Variants in ABHD17C observed in about 807,000 individuals in gnomAD.
The protein encoded by ABHD17C is alpha/beta hydrolase domain-containing protein 17C.
Under a neutral mutation model 27.9 loss-of-function variants are expected in ABHD17C, and 11 were observed. That is an observed-to-expected ratio of 0.39 (90% CI 0.25 to 0.65). The LOEUF is 0.65. Among genes scored for constraint, ABHD17C ranks in the 30% least tolerant of loss-of-function variants. The probability of loss-of-function intolerance (pLI) is 0.45; values close to 1 mark genes in which losing one functional copy is unlikely to be tolerated. For missense variants in ABHD17C, 280 were observed against 470.2 expected, an observed-to-expected ratio of 0.60 and a Z score of 3.74; for synonymous variants, 233 against 209.1, an observed-to-expected ratio of 1.11 and a Z score of -0.98.
rs1239634378 is a variant in ABHD17C at position 80,695,556 on chromosome 15, A to G, written c.127A>G (p.Thr43Ala). The G allele has an allele frequency of 1.5e-6, 2 of 1,310,780 alleles. No homozygotes were observed. The highest frequency in any genetic ancestry group is 2.0e-6 in the Non-Finnish European group (2 of 1,012,474). The allele number at this position is 1,310,780 out of a possible 1,614,324, so 81.2% of individuals were successfully genotyped here. A position where few individuals can be genotyped will look rare whatever the true frequency, so the allele number is the denominator to read the frequency against. The change falls in exon 1 of 3, where the codon ACG becomes GCG. Residue 43 changes from threonine to alanine, a missense_variant. By Grantham distance (58) the Thr-to-Ala change is moderately conservative. This residue lies in a region of ABHD17C where 74 missense variants were observed against 75.5 expected (regional missense o/e 0.98). Transcript: ENST00000258884. This position sits in a 1 kb window ranked among gnomAD's most constrained non-coding sequence, Gnocchi z 4.3. ...CTTCCTGCCGCCCGAGCCCACCTAC[A>G]CGGTGCTGGCGCCGGAGCAGCGCGG... ...LAFLPPEPTY[T>A]VLAPEQRGAG...
chr15:80,718,009 A>G (rs1894831892), intron 1 of ABHD17C, among the ~76,000 whole-genome samples: 1 of 152,218 alleles, frequency 6.6e-6, no homozygotes, highest in African/African-American at 2.4e-5. Flanking sequence ...GTTCCAGTTC[A>G]GACAGACTGC....
At chr15:80,728,564 T>A (rs1008314672) in intron 1 of ABHD17C, among the ~76,000 whole-genome samples, 2 of 152,200 alleles carry the variant, frequency 1.3e-5, no homozygotes, top group Non-Finnish European at 2.9e-5. Flanking sequence ...TCAATGCCTA[T>A]GGGCATTTTT....
In ABHD17C at chr15:80,723,138, A is replaced by ATG. The variant is rs57751486; in HGVS notation, c.591-26347_591-26346dup. Among the ~76,000 whole-genome samples, 1,173 of 125,004 alleles carry ATG rather than the reference A, an allele frequency of 9.4e-3. 5 individuals carry two copies. Among genetic ancestry groups the ATG allele is most frequent in the South Asian group, 0.015 (59 of 3,814 alleles). The allele number at this position is 125,004 out of a possible 152,430, so 82.0% of individuals were successfully genotyped here. A position where few individuals can be genotyped will look rare whatever the true frequency, so the allele number is the denominator to read the frequency against. On this transcript the variant is annotated intron_variant, in intron 1 of 2. Transcript: ENST00000258884. ...TTCCATTGTTTGTGTGTGTGTATAT[A>ATG]TGTGTGTGTGTGTGTGTGTGTGTGT...
chr15:80,714,353 A>G (rs1198582481), intron 1 of ABHD17C, among the ~76,000 whole-genome samples: 1 of 152,188 alleles, frequency 6.6e-6, no homozygotes, highest in Non-Finnish European at 1.5e-5. Flanking sequence ...CATTTCACAC[A>G]TTACATAATT....
At chr15:80,701,315 G>A (rs1391313131) in intron 1 of ABHD17C, among the ~76,000 whole-genome samples, 1 of 152,096 alleles carries the variant, frequency 6.6e-6, no homozygotes, top group African/African-American at 2.4e-5. Flanking sequence ...TTCTCAGAGG[G>A]AATACTATGA....
intron 1 of ABHD17C, among the ~76,000 whole-genome samples, chr15:80,730,664 AC>A (rs1895045579): frequency 6.6e-6 from 1 of 152,150 alleles, no homozygotes; most frequent in African/African-American, 2.4e-5. Flanking sequence ...GTGGATTGAA[AC>A]GTTGACTCGC....
chr15:80,726,084 G>A (rs915042743), intron 1 of ABHD17C, among the ~76,000 whole-genome samples: 1 of 152,226 alleles, frequency 6.6e-6, no homozygotes, highest in Non-Finnish European at 1.5e-5. Context: ...TCCCTTATGG[G>A]AAACAAAGGG....
At chr15:80,696,823 A>T (rs1894502016) in intron 1 of ABHD17C, among the ~76,000 whole-genome samples, 2 of 152,210 alleles carry the variant, frequency 1.3e-5, no homozygotes, top group African/African-American at 4.8e-5. Context: ...AGCAAACCAA[A>T]AACCTGACTT....
chr15:80,701,413 T>C (rs879266180), intron 1 of ABHD17C, among the ~76,000 whole-genome samples: 24 of 152,048 alleles, frequency 1.6e-4, no homozygotes, highest in Non-Finnish European at 3.4e-4. Context: ...CCGCGGTGGC[T>C]CACAGCTGTA....
At chr15:80,745,499 G>A (rs1395353627) in intron 1 of ABHD17C, among the ~76,000 whole-genome samples, 1 of 151,944 alleles carries the variant, frequency 6.6e-6, no homozygotes, top group African/African-American at 2.4e-5. Context: ...CTCCCAAGTA[G>A]TTTGGACTAC....
chr15:80,726,822 A>T (rs556072747), intron 1 of ABHD17C, among the ~76,000 whole-genome samples: 111 of 151,900 alleles, frequency 7.3e-4, no homozygotes, highest in African/African-American at 2.6e-3. Context: ...GCCACACCCA[A>T]CCCTTTTTCT....
intron 1 of ABHD17C, among the ~76,000 whole-genome samples, chr15:80,701,270 T>C (rs974129212): frequency 6.6e-6 from 1 of 152,174 alleles, no homozygotes; most frequent in Non-Finnish European, 1.5e-5. Flanking sequence ...CCTGGGCATG[T>C]TGAAGTTAAT....
chr15:80,713,328 C>T (rs891706191), intron 1 of ABHD17C, among the ~76,000 whole-genome samples: 1 of 138,380 alleles, frequency 7.2e-6, no homozygotes, highest in Non-Finnish European at 1.5e-5. Context: ...AAATAGTTAC[C>T]GAAGGAAAGC....
chr15:80,714,830 T>A (rs768188827), intron 1 of ABHD17C, among the ~76,000 whole-genome samples: 3 of 152,232 alleles, frequency 2.0e-5, no homozygotes, highest in Admixed American at 6.5e-5. Flanking sequence ...TAATATATTT[T>A]TGGATTTCTT....
chr15:80,749,641 G>T lies in ABHD17C; in HGVS notation c.719G>T (p.Arg240Leu). Residue 240 changes from arginine to leucine, a missense_variant, in exon 2 of 3, where the codon CGT becomes CTT. By Grantham distance (102) the Arg-to-Leu change is moderately radical. Around this residue, in one of 2 missense-constraint regions of ABHD17C, gnomAD observed 206 missense variants for 394.7 expected, o/e 0.52. Transcript: ENST00000258884. ...ILHSPLMSGL[R>L]VAFPDTRKTY... ...CATTCCCCTCTGATGTCTGGTTTGC[G>T]TGTGGCTTTTCCGGATACCAGGAAA... 6.2e-7 allele frequency: 1 copy of T among 1,613,976 alleles called. No individual in the cohort carries two copies. Among genetic ancestry groups the T allele is most frequent in the Non-Finnish European group, 8.5e-7 (1 of 1,179,874 alleles).
At chr15:80,698,479 CT>C (rs1894528390) in intron 1 of ABHD17C, among the ~76,000 whole-genome samples, 2 of 152,230 alleles carry the variant, frequency 1.3e-5, no homozygotes, top group South Asian at 4.1e-4. Context: ...GGAGGATAGA[CT>C]GGCGGCAAAT....
rs540577830 is a variant in ABHD17C, at chr15:80,725,084, G to A, written c.591-24429G>A. On this transcript the variant is annotated intron_variant, in intron 1 of 2. Transcript: ENST00000258884. ...AGGGAAGAGGCACGAAGACACCAGG[G>A]CAGTGTGCCTAACCAACACGATTTT... is the stretch of plus-strand genomic sequence containing the variant. Among the ~76,000 whole-genome samples, 5 of 152,318 alleles carry A rather than the reference G, an allele frequency of 3.3e-5. No homozygotes were observed. The East Asian group carries it at 9.6e-4, about 29-fold the overall frequency.
chr15:80,749,578 A>G lies in ABHD17C; in HGVS notation c.656A>G (p.Asp219Gly). 1 of 1,613,864 alleles carries G rather than the reference A, an allele frequency of 6.2e-7. No homozygotes were observed. Among genetic ancestry groups the G allele is most frequent in the Non-Finnish European group, 8.5e-7 (1 of 1,179,852 alleles). ...GQSIGTVPTV[D>G]LASRYECAAV... ...AGCATTGGGACTGTCCCCACGGTAG[A>G]CTTGGCCTCGAGGTATGAATGCGCA... is the stretch of plus-strand genomic sequence containing the variant. Residue 219 changes from aspartate (D) to glycine (G), a missense_variant, in exon 2 of 3, where the codon GAC becomes GGC. Around this residue, in one of 2 missense-constraint regions of ABHD17C, gnomAD observed 206 missense variants for 394.7 expected, o/e 0.52. Coordinates refer to ENST00000258884, the MANE Select transcript of ABHD17C (RefSeq NM_021214.2).
intron 1 of ABHD17C, among the ~76,000 whole-genome samples, chr15:80,746,281 A>G (rs987928977): frequency 2.0e-5 from 3 of 147,170 alleles, no homozygotes; most frequent in Admixed American, 6.8e-5. Flanking sequence ...TTTCTTGTTT[A>G]GTCAGTTGTC....
Sources: allele counts gnomAD v4.1 joint callset (sites outside exome capture counted in the v4.1 genomes callset), GRCh38; gene constraint gnomAD v4.1.1; regional missense constraint gnomAD v4.1.1; non-coding constraint Gnocchi (gnomAD v3.1); transcripts MANE v1.5; gene names NCBI Gene and HGNC (gene_info 2026-07-23, HGNC 2026-07-21).